The following NKAIN3 variants were observed in gnomAD, a reference collection of about 807,000 sequenced individuals.
The protein encoded by NKAIN3 is sodium/potassium transporting ATPase interacting 3.
NKAIN3 carries 25 observed loss-of-function variants against 30.2 expected under a neutral mutation model. That is an observed-to-expected ratio of 0.83 (90% CI 0.60 to 1.16). The LOEUF (loss-of-function observed/expected upper bound fraction) is 1.16, where lower values mean the gene tolerates loss of function less well. NKAIN3 is among the 50% of genes most tolerant of loss of function. NKAIN3 has a pLI of 0.00. For missense variants in NKAIN3, 225 were observed against 254.1 expected, an observed-to-expected ratio of 0.89 and a Z score of 0.78; for synonymous variants, 91 against 89.6, an observed-to-expected ratio of 1.02 and a Z score of -0.09.
intron 3 of NKAIN3, among the ~76,000 whole-genome samples, chr8:62,614,107 A>T (rs1811373944): frequency 6.6e-6 from 1 of 151,940 alleles, no homozygotes; most frequent in Non-Finnish European, 1.5e-5. Flanking sequence ...GCCATTGAGG[A>T]GTTAGGTATT....
intron 4 of NKAIN3, among the ~76,000 whole-genome samples, chr8:62,761,667 A>T (rs574281820): frequency 3.3e-5 from 5 of 152,288 alleles, no homozygotes; most frequent in Admixed American, 3.3e-4. Context: ...TTGTTCAGAT[A>T]ATTGAGGATT....
Position 62,824,180 on chromosome 8 carries a change from G to A in NKAIN3, c.471+77051G>A, listed in dbSNP as rs189980678. Among the ~76,000 whole-genome samples, 149 of 152,246 alleles carry A rather than the reference G, an allele frequency of 9.8e-4. 1 individual carries two copies. Among genetic ancestry groups the A allele is most frequent in the African/African-American group, 3.4e-3 (143 of 41,552 alleles). ...TACAGGATAGAGGACATGACATTGG[G>A]TCAGACATTTTTCTTCAGCTGAGAG... On this transcript the variant is annotated intron_variant, in intron 4 of 6. Transcript: ENST00000623646.
At chr8:62,787,755 C>T (rs949648396) in intron 4 of NKAIN3, among the ~76,000 whole-genome samples, 1 of 152,034 alleles carries the variant, frequency 6.6e-6, no homozygotes, top group African/African-American at 2.4e-5. Flanking sequence ...GTTCAATTCC[C>T]ACCTATGAGT....
At chr8:62,633,894 A>G (rs1356571806) in intron 3 of NKAIN3, among the ~76,000 whole-genome samples, 2 of 152,120 alleles carry the variant, frequency 1.3e-5, no homozygotes, top group East Asian at 1.9e-4. Flanking sequence ...GTCCCTTCGC[A>G]TCTAAGAGAG....
intron 1 of NKAIN3, among the ~76,000 whole-genome samples, chr8:62,345,566 T>TATATACACATATATGTATATATACACAC (rs1563942967): frequency 1.4e-5 from 2 of 145,646 alleles, no homozygotes; most frequent in East Asian, 2.1e-4. Context: ...TATATACACA[T>TATATACACATATATGTATATATACACAC]ATATACACAT....
intron 1 of NKAIN3, among the ~76,000 whole-genome samples, chr8:62,304,985 C>T (rs1177272227): frequency 6.7e-6 from 1 of 150,366 alleles, no homozygotes; most frequent in Non-Finnish European, 1.5e-5. Context: ...AGCTATGTCA[C>T]CTTGGTCAGT....
chr8:62,335,062 G>A (rs1188897587), intron 1 of NKAIN3, among the ~76,000 whole-genome samples: 1 of 152,030 alleles, frequency 6.6e-6, no homozygotes, highest in East Asian at 1.9e-4. Context: ...TCAGATTTAA[G>A]GGGAGAGGTG....
chr8:62,641,055 C>T (rs1412153645), intron 3 of NKAIN3, among the ~76,000 whole-genome samples: 1 of 151,762 alleles, frequency 6.6e-6, no homozygotes, highest in African/African-American at 2.4e-5. Flanking sequence ...GGTCCTAACA[C>T]CAGCAGCACA....
chr8:62,749,679 CT>C (rs35908903), intron 4 of NKAIN3, among the ~76,000 whole-genome samples: 18,123 of 96,790 alleles, frequency 0.19, 1,593 homozygotes, highest in African/African-American at 0.28. Flanking sequence ...TTTTTCTTTT[CT>C]TTTTTTTTTT....
intron 1 of NKAIN3, chr8:62,482,481 T>A (rs937912768): frequency 6.6e-6 from 1 of 152,170 alleles, no homozygotes; most frequent in Non-Finnish European, 1.5e-5. Flanking sequence ...TGTGGTGGGG[T>A]TGCCACCCTG....
At chr8:62,809,566 A>G (rs1215330393) in intron 4 of NKAIN3, among the ~76,000 whole-genome samples, 1 of 152,164 alleles carries the variant, frequency 6.6e-6, no homozygotes, top group Non-Finnish European at 1.5e-5. Flanking sequence ...TGAAGAAAAT[A>G]CTTGACTCAC....
At chr8:62,709,565 T>A (rs1814649663) in intron 3 of NKAIN3, among the ~76,000 whole-genome samples, 1 of 152,202 alleles carries the variant, frequency 6.6e-6, no homozygotes, top group African/African-American at 2.4e-5. Context: ...TCAGTTGTAA[T>A]ATCCACCGTT....
chr8:62,384,680 A>G (rs1446229177), intron 1 of NKAIN3, among the ~76,000 whole-genome samples: 2 of 152,204 alleles, frequency 1.3e-5, no homozygotes, highest in Non-Finnish European at 2.9e-5. Context: ...GATTGTCTTC[A>G]GACACTTTTC....
At chr8:62,280,615 T>G (rs1416017231) in intron 1 of NKAIN3, among the ~76,000 whole-genome samples, 1 of 152,218 alleles carries the variant, frequency 6.6e-6, no homozygotes, top group African/African-American at 2.4e-5. Context: ...AGGCCTTTTC[T>G]GCATCTATTG....
At position 62,764,270 on chromosome 8, in the gene NKAIN3, C is replaced by A. The variant is rs116368443; in HGVS notation, c.471+17141C>A. On this transcript the variant is annotated intron_variant, in intron 4 of 6. Coordinates refer to ENST00000623646, the MANE Select transcript of NKAIN3 (RefSeq NM_001304533.3). ...TCTTTGAAGTACTATTTTGCAGAATCTTCTTGAGAATAATGTGAGGTAGGC... is the reference window on the plus strand; with the variant it reads ...TCTTTGAAGTACTATTTTGCAGAATATTCTTGAGAATAATGTGAGGTAGGC... Among the ~76,000 whole-genome samples the A allele has an allele frequency of 5.4e-3, 815 of 152,230 alleles. 3 individuals carry two copies. The highest frequency in any genetic ancestry group is 0.018 in the African/African-American group (755 of 41,538).
At chr8:62,826,936 C>T (rs555357600) in intron 4 of NKAIN3, among the ~76,000 whole-genome samples, 47 of 152,200 alleles carry the variant, frequency 3.1e-4, no homozygotes, top group African/African-American at 1.0e-3. Flanking sequence ...TTTATCAGAA[C>T]GGGCTATCAA....
intron 3 of NKAIN3, among the ~76,000 whole-genome samples, chr8:62,646,995 C>T (rs1225777322): frequency 6.6e-6 from 1 of 152,116 alleles, no homozygotes; most frequent in Admixed American, 6.6e-5. Context: ...TTAATTTACT[C>T]ACTTGCTATG....
At chr8:62,291,139 A>G (rs1372418450) in intron 1 of NKAIN3, among the ~76,000 whole-genome samples, 3 of 151,566 alleles carry the variant, frequency 2.0e-5, no homozygotes, top group Admixed American at 6.6e-5. Flanking sequence ...TTTCTTCTTT[A>G]TTAGTCTTGC....
chr8:62,798,033 T>C (rs1180175360), intron 4 of NKAIN3, among the ~76,000 whole-genome samples: 1 of 152,146 alleles, frequency 6.6e-6, no homozygotes, highest in African/African-American at 2.4e-5. Context: ...GTGGTGTTAT[T>C]GTAGTCATTT....
Sources: gnomAD v4.1 joint callset for allele counts (sites outside exome capture counted in the v4.1 genomes callset) on GRCh38, gnomAD v4.1.1 for gene constraint, MANE v1.5 for transcripts, NCBI Gene and HGNC (gene_info 2026-07-23, HGNC 2026-07-21) for gene names.